The following IL19 variants were observed in gnomAD, a reference collection of about 807,000 sequenced individuals.
The protein encoded by IL19 is interleukin 19, also known as interleukin-19.
A neutral mutation model predicts 19.5 loss-of-function variants in IL19; 15 were observed. The observed-to-expected ratio is 0.77, with a 90% CI of 0.52 to 1.19. IL19 has a LOEUF of 1.19. Ranked by LOEUF, IL19 falls within the 50% of genes most tolerant of loss-of-function variation. IL19 has a pLI of 0.00. For missense variants in IL19, 199 were observed against 213.1 expected (o/e 0.93, Z 0.41); for synonymous variants, 78 against 78.3 (o/e 1.00, Z 0.02).
At chr1:206,812,594 T>C (rs1292135064) in intron 2 of IL19, among the ~76,000 whole-genome samples, 1 of 152,172 alleles carries the variant, frequency 6.6e-6, no homozygotes, top group Non-Finnish European at 1.5e-5. Flanking sequence ...TAGTAAAAGT[T>C]AATGGAAGAT....
chr1:206,821,286 G>T (rs1676284400), intron 2 of IL19, among the ~76,000 whole-genome samples: 1 of 152,212 alleles, frequency 6.6e-6, no homozygotes, highest in South Asian at 2.1e-4. Flanking sequence ...CCTGGCACCT[G>T]TAAAGAGCCA....
At chr1:206,830,444 T>C (rs1263867027) in intron 2 of IL19, among the ~76,000 whole-genome samples, 2 of 152,092 alleles carry the variant, frequency 1.3e-5, no homozygotes, top group Non-Finnish European at 2.9e-5. Context: ...TGTTTTATTT[T>C]CAAAGCTATA....
At chr1:206,809,028 A>G (rs1331907627) in intron 2 of IL19, among the ~76,000 whole-genome samples, 1 of 152,208 alleles carries the variant, frequency 6.6e-6, no homozygotes, top group Non-Finnish European at 1.5e-5. Flanking sequence ...GGTCTTGTTT[A>G]GGGAGAGAGA....
intron 1 of IL19, among the ~76,000 whole-genome samples, chr1:206,798,350 G>A (rs1165597162): frequency 6.6e-6 from 1 of 152,146 alleles, no homozygotes; most frequent in Non-Finnish European, 1.5e-5. Context: ...CAAGGGAAGT[G>A]GTGCTGTTGT....
At chr1:206,827,409 G>A (rs1423040620) in intron 2 of IL19, among the ~76,000 whole-genome samples, 1 of 151,704 alleles carries the variant, frequency 6.6e-6, no homozygotes, top group African/African-American at 2.4e-5. Context: ...CGCTTCTCTC[G>A]GCCGGGCACG....
chr1:206,794,037 TC>T (rs979440680), intron 1 of IL19, among the ~76,000 whole-genome samples: 6 of 152,166 alleles, frequency 3.9e-5, no homozygotes, highest in African/African-American at 1.2e-4. Flanking sequence ...ATCTAGGGAC[TC>T]CTGGGTCATG....
chr1:206,812,598 G>A (rs768852633), intron 2 of IL19, among the ~76,000 whole-genome samples: 15 of 152,162 alleles, frequency 9.9e-5, no homozygotes, highest in Non-Finnish European at 2.1e-4. Flanking sequence ...AAAAGTTAAT[G>A]GAAGATGACC....
chr1:206,836,115 CTCTCCAGAAGGTGAAA>C (rs1432565306), intron 2 of IL19, among the ~76,000 whole-genome samples: 6 of 152,202 alleles, frequency 3.9e-5, no homozygotes, highest in Admixed American at 1.3e-4. Flanking sequence ...CCTTTCCCAT[CTCTCCAGAAGGTGAAA>C]TCTCCACAGC....
intron 2 of IL19, among the ~76,000 whole-genome samples, chr1:206,830,812 C>T (rs929884159): frequency 4.6e-5 from 7 of 152,148 alleles, no homozygotes; most frequent in Non-Finnish European, 8.8e-5. Context: ...CTCCTGACCT[C>T]GTGATCCGCC....
At chr1:206,775,484 T>C (rs1053000979) in intron 1 of IL19, among the ~76,000 whole-genome samples, 11 of 152,226 alleles carry the variant, frequency 7.2e-5, no homozygotes, top group African/African-American at 2.4e-4. Context: ...ATTTAAGTGG[T>C]TGGAGAGAAC....
chr1:206,797,095 C>G (rs936022118), intron 1 of IL19, among the ~76,000 whole-genome samples: 7 of 152,188 alleles, frequency 4.6e-5, no homozygotes, highest in Admixed American at 3.3e-4. Context: ...AGGGTCAGGG[C>G]TCACTCCCTG....
chr1:206,782,702 A>G (rs192959059), intron 1 of IL19, among the ~76,000 whole-genome samples: 581 of 152,336 alleles, frequency 3.8e-3, no homozygotes, highest in South Asian at 0.011. Flanking sequence ...TTGATTTGCC[A>G]GTGACCTGTC....
chr1:206,816,683 A>G (rs959994094), intron 2 of IL19, among the ~76,000 whole-genome samples: 1 of 152,250 alleles, frequency 6.6e-6, no homozygotes, highest in African/African-American at 2.4e-5. Flanking sequence ...AAACCTAGCC[A>G]TATCAATAAT....
At chr1:206,783,035 C>G (rs1675184441) in intron 1 of IL19, among the ~76,000 whole-genome samples, 1 of 152,198 alleles carries the variant, frequency 6.6e-6, no homozygotes, top group Non-Finnish European at 1.5e-5. Flanking sequence ...CTCGTCTCAT[C>G]CCATGCAGAT....
intron 1 of IL19, among the ~76,000 whole-genome samples, chr1:206,777,007 G>T (rs1408681844): frequency 6.6e-6 from 1 of 151,360 alleles, no homozygotes; most frequent in Non-Finnish European, 1.5e-5. Flanking sequence ...CGAGGTGGAC[G>T]GATCACGAGG....
At chr1:206,812,144 ATG>A in intron 2 of IL19, among the ~76,000 whole-genome samples, 1 of 152,202 alleles carries the variant, frequency 6.6e-6, no homozygotes. Flanking sequence ...ACATTACAGG[ATG>A]TAGATTATAC....
intron 2 of IL19, among the ~76,000 whole-genome samples, chr1:206,816,922 C>T (rs1676172181): frequency 1.3e-5 from 2 of 152,110 alleles, no homozygotes; most frequent in African/African-American, 4.8e-5. Flanking sequence ...TATAAGATAG[C>T]AGATAAGAAA....
chr1:206,807,015 G>A (rs898834256), intron 2 of IL19, among the ~76,000 whole-genome samples: 1 of 152,126 alleles, frequency 6.6e-6, no homozygotes, highest in Non-Finnish European at 1.5e-5. Context: ...TGCAGGGCTG[G>A]GGAGGCCTCA....
chr1:206,789,757 A>T (rs1675350050), intron 1 of IL19, among the ~76,000 whole-genome samples: 2 of 152,034 alleles, frequency 1.3e-5, no homozygotes, highest in Admixed American at 6.6e-5. Flanking sequence ...GGCCCAGTGT[A>T]TGTTGTTCCC....
Sources: gnomAD v4.1 joint callset for allele counts (sites outside exome capture counted in the v4.1 genomes callset) on GRCh38, gnomAD v4.1.1 for gene constraint, MANE v1.5 for transcripts, NCBI Gene and HGNC (gene_info 2026-07-23, HGNC 2026-07-21) for gene names.